Variants in PCNX2 observed in about 807,000 individuals in gnomAD.
The protein encoded by PCNX2 is pecanex 2, also known as pecanex-like protein 2.
Under a neutral mutation model 223.8 loss-of-function variants are expected in PCNX2, and 168 were observed. The observed-to-expected ratio is 0.75, with a 90% CI of 0.66 to 0.85. The LOEUF is 0.85. PCNX2 is among the 40% of genes least tolerant of loss of function. PCNX2 has a pLI of 0.00. For missense variants in PCNX2, 2,507 were observed against 2,675.5 expected, an observed-to-expected ratio of 0.94 and a Z score of 1.39; for synonymous variants, 1,006 against 1,052.6, an observed-to-expected ratio of 0.96 and a Z score of 0.86.
At chr1:233,147,555 C>A (rs1354536227) in intron 19 of PCNX2, among the ~76,000 whole-genome samples, 1 of 149,846 alleles carries the variant, frequency 6.7e-6, no homozygotes, top group Non-Finnish European at 1.5e-5. Context: ...GCAGGAGAGA[C>A]AGGAGCACTA....
At chr1:233,201,011 G>A (rs1558337159) in intron 13 of PCNX2, among the ~76,000 whole-genome samples, 1 of 119,446 alleles carries the variant, frequency 8.4e-6, no homozygotes, top group Non-Finnish European at 1.6e-5. Flanking sequence ...GGGCGACAGA[G>A]CAAGACTCCG....
intron 20 of PCNX2, among the ~76,000 whole-genome samples, chr1:233,137,596 GTAAACTTTGTTT>G (rs1490027207): frequency 6.6e-6 from 1 of 152,188 alleles, no homozygotes. Context: ...TTAGCCCACA[GTAAACTTTGTTT>G]TATTTAGTTT....
intron 32 of PCNX2, 23 bp downstream of exon 32, chr1:232,998,228 T>C (rs767849772): frequency 6.6e-7 from 1 of 1,512,436 alleles, no homozygotes; most frequent in Non-Finnish European, 8.8e-7. Context: ...CATCGATAGT[T>C]TGGAGGCCCC....
chr1:233,094,952 T>C (rs1165861060), intron 22 of PCNX2, among the ~76,000 whole-genome samples: 2 of 152,214 alleles, frequency 1.3e-5, no homozygotes, highest in African/African-American at 4.8e-5. Flanking sequence ...ATGCAAGTGG[T>C]CCCTGTTTCC....
In PCNX2 at chr1:233,000,346, T is replaced by A. The variant is rs780425760; in HGVS notation, c.5287A>T (p.Ile1763Phe). ...CTCAGGAAGCTTCTGTGGAGCATGA[T>A]GACCTTGTACTCGTCGGCACCCTCG... The part of the protein sequence containing the change: ...VDEGADEYKV[I>F]MLHRSFLSFK... Residue 1763 changes from isoleucine (I) to phenylalanine (F), a missense_variant, in exon 30 of 34, where the codon ATC becomes TTC. By Grantham distance (21) the Ile-to-Phe change is conservative (BLOSUM62 0). This residue lies in a region of PCNX2 where 1,372 missense variants were observed against 1,509.4 expected (regional missense o/e 0.91). Transcript: ENST00000258229. This position sits in a 1 kb window ranked among gnomAD's most constrained non-coding sequence, Gnocchi z 4.6. The A allele has an allele frequency of 1.2e-6, 2 of 1,613,920 alleles. No individual in the cohort carries two copies. The highest frequency in any genetic ancestry group is 2.2e-5 in the South Asian group (2 of 91,070).
chr1:233,057,179 A>G (rs998752318), intron 24 of PCNX2, 53 bp downstream of exon 24: 3 of 1,400,674 alleles, frequency 2.1e-6, no homozygotes, highest in Admixed American at 3.8e-5. Context: ...TCCTTTTGAG[A>G]ATCCATCCAT....
At chr1:233,229,260 A>T (rs1406125215) in intron 9 of PCNX2, among the ~76,000 whole-genome samples, 3 of 152,216 alleles carry the variant, frequency 2.0e-5, no homozygotes, top group African/African-American at 7.2e-5. Context: ...TTAATGCAAA[A>T]GGCATCTGAA....
chr1:233,274,074 G>A (rs1209586806), intron 1 of PCNX2, among the ~76,000 whole-genome samples: 1 of 152,198 alleles, frequency 6.6e-6, no homozygotes. Flanking sequence ...AACAAAATTT[G>A]TCAATGCCCC....
intron 22 of PCNX2, among the ~76,000 whole-genome samples, chr1:233,095,093 G>A (rs898336275): frequency 2.0e-5 from 3 of 152,038 alleles, no homozygotes; most frequent in Non-Finnish European, 4.4e-5. Flanking sequence ...TTCTCTCTCC[G>A]CTTCCCCTTA....
At chr1:233,272,755 A>C (rs1189771707) in intron 1 of PCNX2, among the ~76,000 whole-genome samples, 1 of 152,238 alleles carries the variant, frequency 6.6e-6, no homozygotes, top group Admixed American at 6.5e-5. Flanking sequence ...AATGCCCATC[A>C]ATCAATGAGT....
Position 233,017,154 on chromosome 1 carries a change from T to A in PCNX2, c.4606A>T (p.Ser1536Cys). The change falls in exon 27 of 34, where the codon AGT becomes TGT. Residue 1536 changes from serine to cysteine, a missense_variant and splice_region_variant. By Grantham distance (112) the Ser-to-Cys change is moderately radical. Transcript: ENST00000258229. Reference sequence around the variant, plus strand: ...GACGTTACCATATAGTATATTATACTCTGCAGAGAAAAAGCCAGGAAGATT... The same window carrying A: ...GACGTTACCATATAGTATATTATACACTGCAGAGAAAAAGCCAGGAAGATT... ...RRILIRYYIKSIIYYMVTSPK... is the reference protein window; with the variant it reads ...RRILIRYYIKCIIYYMVTSPK... 1.1e-6 allele frequency: 1 copy of A among 886,064 alleles called. No individual in the cohort carries two copies. Among genetic ancestry groups the A allele is most frequent in the Non-Finnish European group, 1.5e-6 (1 of 660,978 alleles). The allele number at this position is 886,064 out of a possible 1,614,324, so 54.9% of individuals were successfully genotyped here.
upstream of PCNX2, chr1:233,295,824 C>T (rs1662065835): frequency 1.2e-5 from 3 of 255,432 alleles, no homozygotes; most frequent in Non-Finnish European, 2.2e-5. This position sits in a 1 kb window ranked among gnomAD's most constrained non-coding sequence, Gnocchi z 4.1. Flanking sequence ...TCGCTGGGGG[C>T]CAGAAGGATT....
chr1:233,191,362 G>A (rs372167036), intron 15 of PCNX2, among the ~76,000 whole-genome samples: 4 of 152,146 alleles, frequency 2.6e-5, no homozygotes, highest in South Asian at 2.1e-4. Context: ...GCATGTTTCC[G>A]TTTCCATTAA....
At chr1:233,271,132 G>T (rs1232390317) in intron 1 of PCNX2, among the ~76,000 whole-genome samples, 1 of 151,970 alleles carries the variant, frequency 6.6e-6, no homozygotes, top group African/African-American at 2.4e-5. Flanking sequence ...GAATCAATAA[G>T]TTTATACAAG....
At chr1:233,270,844 A>T (rs945145768) in intron 1 of PCNX2, among the ~76,000 whole-genome samples, 1 of 152,156 alleles carries the variant, frequency 6.6e-6, no homozygotes, top group Non-Finnish European at 1.5e-5. Flanking sequence ...GAATGGTAAG[A>T]TGAAAAAAAC....
At position 233,001,824 on chromosome 1, in the gene PCNX2, A is replaced by C; in HGVS notation, c.4953-143T>G. 1.3e-6 allele frequency: 1 copy of C among 746,548 alleles called. No homozygotes were observed. Among genetic ancestry groups the C allele is most frequent in the Non-Finnish European group, 1.9e-6 (1 of 521,064 alleles). 46.2% of individuals were successfully genotyped at this position (746,548 alleles called of 1,614,324 possible). A position where few individuals can be genotyped will look rare whatever the true frequency, so the allele number is the denominator to read the frequency against. ...AAATGAAGATAACAGGACTCATCCC[A>C]GTGCACCTAGTGCCTACCCCTACAG... is the stretch of plus-strand genomic sequence containing the variant. On this transcript the variant is annotated intron_variant, in intron 28 of 33. Coordinates refer to ENST00000258229, the MANE Select transcript of PCNX2 (RefSeq NM_014801.4). The surrounding 1 kb of genome is among the most constrained non-coding windows in gnomAD (Gnocchi z 4.2).
At chr1:233,178,333 C>T (rs768358778) in intron 16 of PCNX2, among the ~76,000 whole-genome samples, 4 of 152,180 alleles carry the variant, frequency 2.6e-5, no homozygotes, top group Non-Finnish European at 5.9e-5. Context: ...TATGGTGTCT[C>T]TGGTCTTCAA....
intron 26 of PCNX2, among the ~76,000 whole-genome samples, chr1:233,019,622 A>G (rs1670803754): frequency 6.6e-6 from 1 of 152,026 alleles, no homozygotes. Flanking sequence ...TGACTTACCT[A>G]CCCAGCAAGC....
chr1:233,023,644 A>C (rs1670979228), intron 26 of PCNX2, among the ~76,000 whole-genome samples: 1 of 152,238 alleles, frequency 6.6e-6, no homozygotes, highest in Non-Finnish European at 1.5e-5. Context: ...TAGAAAGAGA[A>C]GATAGGCATA....
Sources: allele counts gnomAD v4.1 joint callset (sites outside exome capture counted in the v4.1 genomes callset), GRCh38; gene constraint gnomAD v4.1.1; regional missense constraint gnomAD v4.1.1; non-coding constraint Gnocchi (gnomAD v3.1); transcripts MANE v1.5; gene names NCBI Gene and HGNC (gene_info 2026-07-23, HGNC 2026-07-21).